Variants in SLC24A2 observed in about 807,000 individuals in gnomAD.
SLC24A2 encodes sodium/potassium/calcium exchanger 2.
SLC24A2 carries 36 observed loss-of-function variants against 62.0 expected under a neutral mutation model. The observed-to-expected ratio is 0.58, with a 90% CI of 0.44 to 0.77. The LOEUF is 0.77. SLC24A2 is among the 30% of genes least tolerant of loss of function. SLC24A2 has a pLI of 0.00. For synonymous variants in SLC24A2, 358 were observed against 294.0 expected, an observed-to-expected ratio of 1.22 and a Z score of -2.23; for missense variants, 846 against 817.9, an observed-to-expected ratio of 1.03 and a Z score of -0.42.
the SLC24A2 span, among the ~76,000 whole-genome samples, chr9:19,830,030 C>T: frequency 6.6e-6 from 1 of 151,846 alleles, no homozygotes; most frequent in East Asian, 1.9e-4. Context: ...ACTTGGCTCC[C>T]TTGGCCACCC....
the SLC24A2 span, among the ~76,000 whole-genome samples, chr9:19,978,354 G>T: frequency 2.6e-5 from 4 of 151,948 alleles, no homozygotes; most frequent in Non-Finnish European, 2.9e-5. Context: ...ATGAACTATT[G>T]TTCAAAAATA....
At chr9:19,887,175 C>A in the SLC24A2 span, among the ~76,000 whole-genome samples, 7 of 152,140 alleles carry the variant, frequency 4.6e-5, no homozygotes, top group African/African-American at 1.7e-4. Flanking sequence ...AGCAAACCTG[C>A]ACATTCTGCA....
At chr9:20,128,022 A>G in the SLC24A2 span, among the ~76,000 whole-genome samples, 2 of 152,186 alleles carry the variant, frequency 1.3e-5, no homozygotes, top group African/African-American at 4.8e-5. Flanking sequence ...AGGAATGCCA[A>G]TTCCATTCCT....
At chr9:20,080,665 G>C in the SLC24A2 span, among the ~76,000 whole-genome samples, 1 of 152,090 alleles carries the variant, frequency 6.6e-6, no homozygotes, top group Non-Finnish European at 1.5e-5. Context: ...CACAGCAAAA[G>C]AAACTACCAT....
the SLC24A2 span, among the ~76,000 whole-genome samples, chr9:20,030,308 G>A: frequency 6.6e-6 from 1 of 152,210 alleles, no homozygotes; most frequent in African/African-American, 2.4e-5. Flanking sequence ...GCAGTTCTGT[G>A]ATCACCTGGG....
chr9:19,976,601 G>C, the SLC24A2 span, among the ~76,000 whole-genome samples: 1 of 152,210 alleles, frequency 6.6e-6, no homozygotes, highest in Admixed American at 6.5e-5. Flanking sequence ...GACTTAGGTA[G>C]TTCTTTATAG....
intron 2 of SLC24A2, among the ~76,000 whole-genome samples, chr9:19,704,664 G>A (rs944696091): frequency 2.0e-5 from 3 of 152,078 alleles, no homozygotes. Flanking sequence ...CAACTCACAG[G>A]GATTTAATCA....
At chr9:19,658,466 A>G (rs62563288) in intron 2 of SLC24A2, among the ~76,000 whole-genome samples, 7,020 of 152,290 alleles carry the variant, frequency 0.046, 188 homozygotes, top group Middle Eastern at 0.13. Flanking sequence ...TAATAAAACA[A>G]TAGCTAACAT....
chr9:19,640,841 A>C (rs1433732535), intron 2 of SLC24A2, among the ~76,000 whole-genome samples: 2 of 152,200 alleles, frequency 1.3e-5, no homozygotes, highest in Non-Finnish European at 2.9e-5. Flanking sequence ...TTTGATGACC[A>C]AGATTTTGGG....
the SLC24A2 span, among the ~76,000 whole-genome samples, chr9:20,287,238 T>A: frequency 6.6e-6 from 1 of 152,200 alleles, no homozygotes; most frequent in East Asian, 1.9e-4. Context: ...ATGGGACATT[T>A]CTTGCAGGAC....
At chr9:19,803,254 A>G in the SLC24A2 span, among the ~76,000 whole-genome samples, 5 of 152,216 alleles carry the variant, frequency 3.3e-5, no homozygotes, top group Admixed American at 6.5e-5. Context: ...AGACAGTAAA[A>G]TTTTAATTAT....
In SLC24A2 at chr9:19,651,827, T is replaced by C. The variant is rs527594550; in HGVS notation, c.931-29528A>G. Among the ~76,000 whole-genome samples the C allele has an allele frequency of 3.9e-5, 6 of 152,320 alleles. No homozygotes were observed. In the South Asian group the frequency reaches 1.2e-3, roughly 32 times the overall value. On this transcript the variant is annotated intron_variant, in intron 2 of 10. Transcript: ENST00000341998. ...TGCATTAGCAGCATCTACCCGCTCC[T>C]GATTCTTACAGGTTTCTCTATGACA...
chr9:20,283,937 G>C, the SLC24A2 span, among the ~76,000 whole-genome samples: 1 of 152,144 alleles, frequency 6.6e-6, no homozygotes, highest in Non-Finnish European at 1.5e-5. Flanking sequence ...TGTGTTCCCG[G>C]AATGTCATAC....
At chr9:20,036,878 G>A in the SLC24A2 span, among the ~76,000 whole-genome samples, 1 of 148,870 alleles carries the variant, frequency 6.7e-6, no homozygotes, top group Admixed American at 6.8e-5. Flanking sequence ...GTATATATGT[G>A]TGTGTGTGTG....
the SLC24A2 span, among the ~76,000 whole-genome samples, chr9:19,843,581 G>A: frequency 2.6e-5 from 4 of 152,160 alleles, no homozygotes; most frequent in African/African-American, 2.4e-5. Flanking sequence ...GTGTGGGTAT[G>A]TTGTGTGATG....
At chr9:20,130,531 A>T in the SLC24A2 span, among the ~76,000 whole-genome samples, 1 of 152,034 alleles carries the variant, frequency 6.6e-6, no homozygotes, top group Non-Finnish European at 1.5e-5. Context: ...TGGGTTGTTT[A>T]AAAAAGGCTA....
chr9:19,524,066 A>C (rs1833318530), intron 9 of SLC24A2, among the ~76,000 whole-genome samples: 1 of 147,548 alleles, frequency 6.8e-6, no homozygotes. Context: ...AAAATCAGGG[A>C]GCATCAGAGA....
At chr9:20,082,330 A>G in the SLC24A2 span, among the ~76,000 whole-genome samples, 7 of 152,144 alleles carry the variant, frequency 4.6e-5, no homozygotes. Flanking sequence ...CCAGGTCCTT[A>G]TCTTCTTTGG....
chr9:19,549,154 G>A (rs925577898), intron 8 of SLC24A2, among the ~76,000 whole-genome samples: 24 of 152,212 alleles, frequency 1.6e-4, no homozygotes, highest in African/African-American at 5.6e-4. Context: ...ATCGATTAAA[G>A]TAATGATAGT....
Sources: allele counts gnomAD v4.1 joint callset (sites outside exome capture counted in the v4.1 genomes callset), GRCh38; gene constraint gnomAD v4.1.1; transcripts MANE v1.5; gene names NCBI Gene and HGNC (gene_info 2026-07-23, HGNC 2026-07-21).